ERCC6: variants seen among roughly 807,000 people sequenced by gnomAD.
The protein encoded by ERCC6 is DNA excision repair protein ERCC-6.
In ERCC6, 116 loss-of-function variants were observed where a neutral mutation model predicts 158.7. The observed-to-expected ratio is 0.73, with a 90% CI of 0.63 to 0.85. ERCC6 has a LOEUF of 0.85. ERCC6 is among the 40% of genes least tolerant of loss of function. The pLI is 0.00. For missense variants in ERCC6, 1,698 were observed against 1,799.4 expected, an observed-to-expected ratio of 0.94 and a Z score of 1.02; for synonymous variants, 678 against 659.3, an observed-to-expected ratio of 1.03 and a Z score of -0.43.
intron 4 of ERCC6, among the ~76,000 whole-genome samples, chr10:49,526,114 T>TATATA (rs1491147583): frequency 1.4e-5 from 1 of 73,960 alleles, no homozygotes; most frequent in Non-Finnish European, 2.5e-5. Context: ...TATTTATATA[T>TATATA]TTTTATATAT....
intron 11 of ERCC6, among the ~76,000 whole-genome samples, chr10:49,477,140 C>T (rs963953783): frequency 6.6e-6 from 1 of 152,090 alleles, no homozygotes; most frequent in Non-Finnish European, 1.5e-5. Flanking sequence ...CCAAGCCACC[C>T]GCAACTCTGT....
chr10:49,450,543 CA>C (rs1398990086), downstream of ERCC6, among the ~76,000 whole-genome samples: 1 of 152,146 alleles, frequency 6.6e-6, no homozygotes, highest in Non-Finnish European at 1.5e-5. Context: ...AAGATGTCAG[CA>C]GAGATTCTGA....
chr10:49,489,189 C>T (rs1298017251), intron 8 of ERCC6, among the ~76,000 whole-genome samples: 2 of 152,140 alleles, frequency 1.3e-5, no homozygotes, highest in East Asian at 1.9e-4. Flanking sequence ...TGACCATGAA[C>T]ATTTTTGATA....
At chr10:49,451,283 C>T (rs963044838), downstream of ERCC6, among the ~76,000 whole-genome samples, 1 of 146,614 alleles carries the variant, frequency 6.8e-6, no homozygotes, top group East Asian at 2.0e-4. Context: ...TTTCTTCTTG[C>T]ATAATTGCAA....
At chr10:49,498,787 A>C (rs934893992) in intron 7 of ERCC6, among the ~76,000 whole-genome samples, 6 of 152,190 alleles carry the variant, frequency 3.9e-5, no homozygotes, top group Non-Finnish European at 8.8e-5. Context: ...TGCAGGGATG[A>C]CTTTAGTTCT....
At chr10:49,440,566 T>A in the ERCC6 span, among the ~76,000 whole-genome samples, 1 of 152,338 alleles carries the variant, frequency 6.6e-6, no homozygotes, top group African/African-American at 2.4e-5. Flanking sequence ...TTGTCACATG[T>A]ATGTCTTTAA....
intron 10 of ERCC6, 130 bp downstream of exon 10, chr10:49,482,557 T>TA (rs1850997881): frequency 9.0e-6 from 6 of 668,180 alleles, no homozygotes; most frequent in Non-Finnish European, 1.4e-5. Context: ...TTTTTTTTTT[T>TA]AACCAGATAC....
intron 5 of ERCC6, chr10:49,517,098 C>T: frequency 6.3e-7 from 1 of 1,596,220 alleles, no homozygotes; most frequent in Non-Finnish European, 8.6e-7. Flanking sequence ...TTCATGTAAA[C>T]TTAGTGTTCG....
intron 15 of ERCC6, 147 bp downstream of exon 15, chr10:49,472,762 G>T: frequency 1.0e-6 from 1 of 967,110 alleles, no homozygotes; most frequent in Non-Finnish European, 1.5e-6. Flanking sequence ...TCTGAAGGGT[G>T]TCTTCTTTCA....
chr10:49,435,611 AAAT>A, the ERCC6 span, among the ~76,000 whole-genome samples: 2 of 152,232 alleles, frequency 1.3e-5, no homozygotes, highest in Non-Finnish European at 2.9e-5. Flanking sequence ...AATTAGAATC[AAAT>A]AATGATGAAT....
At position 49,530,677 on chromosome 10, in the gene ERCC6, T is replaced by C. The variant is rs1293059885; in HGVS notation, c.543+43A>G. On this transcript the variant is annotated intron_variant, in intron 3 of 20. Coordinates refer to ENST00000355832, the MANE Select transcript of ERCC6 (RefSeq NM_000124.4). ...TCCTAAATTAAGTGCCCCTAAATGA[T>C]GACTTTTTCAAAAATGCAATACTGA... 7.5e-6 allele frequency: 12 copies of C among 1,606,584 alleles called. No homozygotes were observed. In the East Asian group the frequency reaches 2.0e-4, roughly 27 times the overall value.
Position 49,528,420 on chromosome 10 carries a change from C to A in ERCC6, c.649G>T (p.Ala217Ser). ...AAACTGCTCCTAGCATCCTCACCTGCATCCTCCTCCAGACTGGCGTGATCT... is the reference window on the plus strand; with the variant it reads ...AAACTGCTCCTAGCATCCTCACCTGAATCCTCCTCCAGACTGGCGTGATCT... ...ELDHASLEED[A>S]EPGPSSLGSM... The change falls in exon 4 of 21, where the codon GCA (alanine) becomes TCA (serine). Residue 217 changes from alanine to serine, a missense_variant. By Grantham distance (99) the Ala-to-Ser change is moderately conservative. Transcript: ENST00000355832. 6.2e-7 allele frequency: 1 copy of A among 1,614,214 alleles called. No homozygotes were observed. Among genetic ancestry groups the A allele is most frequent in the Non-Finnish European group, 8.5e-7 (1 of 1,180,018 alleles).
intron 5 of ERCC6, among the ~76,000 whole-genome samples, chr10:49,522,545 T>C (rs1458817709): frequency 6.6e-6 from 1 of 152,234 alleles, no homozygotes; most frequent in African/African-American, 2.4e-5. Context: ...ATCTTAACAT[T>C]ATTAAGAAAA....
chr10:49,460,205 T>C, intron 20 of ERCC6, 168 bp downstream of exon 20: 1 of 663,746 alleles, frequency 1.5e-6, no homozygotes, highest in Non-Finnish European at 2.7e-6. Flanking sequence ...CAGCAGGTCC[T>C]TTTAGATTCA....
rs1564442536 is a variant in ERCC6, at chr10:49,524,494, G to C, written c.936C>G (p.Asn312Lys). The change falls in exon 5 of 21, where the codon AAC becomes AAG. Residue 312 changes from asparagine (N) to lysine (K), a missense_variant. Coordinates refer to ENST00000355832, the MANE Select transcript of ERCC6 (RefSeq NM_000124.4). ...VTPPAPVQNKNKPNKKARVLS... is the reference protein window; with the variant it reads ...VTPPAPVQNKKKPNKKARVLS... ...GAACTCTGGCTTTCTTGTTTGGTTT[G>C]TTTTTATTTTGCACTGGGGCTGGAG... 1.1e-5 allele frequency: 18 copies of C among 1,614,186 alleles called. No individual in the cohort carries two copies. The highest frequency in any genetic ancestry group is 1.4e-5 in the Non-Finnish European group (17 of 1,180,018).
chr10:49,516,537 A>G (rs1836971079), intron 5 of ERCC6: 1 of 1,613,994 alleles, frequency 6.2e-7, no homozygotes, highest in African/African-American at 1.3e-5. Flanking sequence ...AGGAACTGAG[A>G]CATAACCACT....
intron 12 of ERCC6, 52 bp downstream of exon 12, chr10:49,476,163 T>C (rs1303366038): frequency 7.8e-7 from 1 of 1,276,920 alleles, no homozygotes; most frequent in East Asian, 2.3e-5. Flanking sequence ...TTTTCCTCCC[T>C]CACTTCTCTT....
At chr10:49,459,547 A>G (rs956751663) in intron 20 of ERCC6, among the ~76,000 whole-genome samples, 1 of 152,124 alleles carries the variant, frequency 6.6e-6, no homozygotes, top group Non-Finnish European at 1.5e-5. Context: ...GTTTCAGGAA[A>G]ATCTGTCTCT....
chr10:49,475,014 A>T (rs1350632747), intron 12 of ERCC6, among the ~76,000 whole-genome samples: 1 of 152,220 alleles, frequency 6.6e-6, no homozygotes, highest in Non-Finnish European at 1.5e-5. Context: ...AAACAACAGT[A>T]AACAGATTAA....
Sources: gnomAD v4.1 joint callset for allele counts (sites outside exome capture counted in the v4.1 genomes callset) on GRCh38, gnomAD v4.1.1 for gene constraint, MANE v1.5 for transcripts, NCBI Gene and HGNC (gene_info 2026-07-23, HGNC 2026-07-21) for gene names.